MTA3: variants seen among roughly 807,000 people sequenced by gnomAD.
MTA3 encodes metastasis associated 1 family member 3.
A neutral mutation model predicts 83.5 loss-of-function variants in MTA3; 34 were observed. The observed-to-expected ratio is 0.41, with a 90% confidence interval of 0.31 to 0.54. The LOEUF is 0.54. Among genes scored for constraint, MTA3 ranks in the 20% least tolerant of loss-of-function variants. MTA3 has a pLI of 0.33. For missense variants in MTA3, 761 were observed against 726.4 expected (o/e 1.05, Z -0.55); for synonymous variants, 303 against 252.7 (o/e 1.20, Z -1.89).
intron 6 of MTA3, among the ~76,000 whole-genome samples, chr2:42,646,786 A>C (rs1422908175): frequency 1.3e-5 from 2 of 152,156 alleles, no homozygotes; most frequent in African/African-American, 4.8e-5. Flanking sequence ...TGAAATGGCA[A>C]CGAAGGATTT....
intron 3 of MTA3, among the ~76,000 whole-genome samples, chr2:42,590,274 C>T (rs1239994044): frequency 6.6e-6 from 1 of 152,012 alleles, no homozygotes; most frequent in African/African-American, 2.4e-5. Context: ...GAGTAGATTC[C>T]TCTTGAATGG....
chr2:42,636,700 C>G (rs1435081408), intron 4 of MTA3, among the ~76,000 whole-genome samples: 1 of 146,938 alleles, frequency 6.8e-6, no homozygotes, highest in Non-Finnish European at 1.5e-5. Context: ...GATCTCGGCT[C>G]ACTGCAACCT....
intron 2 of MTA3, among the ~76,000 whole-genome samples, chr2:42,543,772 C>T (rs944772531): frequency 2.6e-5 from 4 of 151,742 alleles, no homozygotes; most frequent in South Asian, 2.1e-4. Flanking sequence ...AGGCATGAGC[C>T]GCTATGCCTG....
chr2:42,643,046 C>CT (rs796628589), intron 5 of MTA3, among the ~76,000 whole-genome samples: 235 of 65,156 alleles, frequency 3.6e-3, no homozygotes, highest in Middle Eastern at 0.01. Flanking sequence ...CCCCCCCCCC[C>CT]TTTTTTTTTT....
intron 2 of MTA3, among the ~76,000 whole-genome samples, chr2:42,562,068 T>G (rs1677698782): frequency 6.6e-6 from 1 of 152,160 alleles, no homozygotes; most frequent in African/African-American, 2.4e-5. Context: ...TGGCACTCCT[T>G]GGTTTGTAGC....
At chr2:42,659,596 A>T in intron 7 of MTA3, 167 bp from the exon 8 acceptor site, 1 of 381,702 alleles carries the variant, frequency 2.6e-6, no homozygotes, top group Non-Finnish European at 4.6e-6. Flanking sequence ...TATATCTTAT[A>T]GAGTGAAAAT....
intron 2 of MTA3, among the ~76,000 whole-genome samples, chr2:42,522,219 C>G (rs1675462038): frequency 6.6e-6 from 1 of 152,160 alleles, no homozygotes; most frequent in African/African-American, 2.4e-5. Flanking sequence ...TACAACCACC[C>G]TCCGTCCCTG....
chr2:42,540,944 T>C (rs1228839118), intron 2 of MTA3, among the ~76,000 whole-genome samples: 1 of 152,206 alleles, frequency 6.6e-6, no homozygotes, highest in East Asian at 1.9e-4. Flanking sequence ...CTACACATGG[T>C]CCCTGACTTA....
intron 16 of MTA3, among the ~76,000 whole-genome samples, chr2:42,742,479 T>C (rs1407120115): frequency 6.6e-6 from 1 of 152,134 alleles, no homozygotes; most frequent in Non-Finnish European, 1.5e-5. Context: ...TTTGCCTGTG[T>C]AAAGCTCATC....
chr2:42,619,476 A>G (rs1685288103), intron 4 of MTA3, among the ~76,000 whole-genome samples: 1 of 152,232 alleles, frequency 6.6e-6, no homozygotes, highest in Non-Finnish European at 1.5e-5. Context: ...CATCAAATGA[A>G]TCTAAAGAAA....
intron 2 of MTA3, among the ~76,000 whole-genome samples, chr2:42,553,147 C>T (rs533725283): frequency 1.3e-5 from 2 of 151,080 alleles, no homozygotes; most frequent in South Asian, 2.1e-4. Context: ...CTGGGTGGGC[C>T]GGGCGCAGTG....
intron 3 of MTA3, among the ~76,000 whole-genome samples, chr2:42,597,744 C>A (rs1392916419): frequency 2.7e-5 from 4 of 147,886 alleles, no homozygotes; most frequent in Admixed American, 2.0e-4. Context: ...GCAGTGGCAC[C>A]ATCTCAGCTT....
intron 4 of MTA3, among the ~76,000 whole-genome samples, chr2:42,618,284 G>T (rs1159093830): frequency 6.6e-6 from 1 of 151,924 alleles, no homozygotes; most frequent in African/African-American, 2.4e-5. Context: ...ACGTAGTCAC[G>T]TTAAGTGTCA....
chr2:42,567,174 A>G (rs527446826), upstream of MTA3, among the ~76,000 whole-genome samples: 4 of 152,304 alleles, frequency 2.6e-5, no homozygotes, highest in South Asian at 8.3e-4. Context: ...TGTTATTTGC[A>G]TGGTGCTCTG....
intron 8 of MTA3, among the ~76,000 whole-genome samples, chr2:42,676,002 C>T (rs1241278173): frequency 1.3e-5 from 2 of 152,190 alleles, no homozygotes; most frequent in Non-Finnish European, 2.9e-5. Flanking sequence ...GTGTACACAC[C>T]TGATGAGTGT....
intron 2 of MTA3, among the ~76,000 whole-genome samples, chr2:42,553,265 A>T (rs1269569683): frequency 6.6e-6 from 1 of 151,944 alleles, no homozygotes; most frequent in Non-Finnish European, 1.5e-5. Context: ...TCCACTAAAA[A>T]TACAAAAAAT....
intron 8 of MTA3, among the ~76,000 whole-genome samples, chr2:42,667,758 C>A (rs377497114): frequency 6.6e-6 from 1 of 152,016 alleles, no homozygotes; most frequent in Non-Finnish European, 1.5e-5. Context: ...CTTGAGCCTA[C>A]CAAGTATTAA....
At chr2:42,544,436 A>AG (rs2103755019) in intron 2 of MTA3, among the ~76,000 whole-genome samples, 1 of 151,606 alleles carries the variant, frequency 6.6e-6, no homozygotes, top group African/African-American at 2.4e-5. Flanking sequence ...TGGGCAACAG[A>AG]GCAAGACTCC....
intron 6 of MTA3, among the ~76,000 whole-genome samples, chr2:42,653,793 TC>T (rs1688924484): frequency 6.6e-6 from 1 of 152,234 alleles, no homozygotes; most frequent in Non-Finnish European, 1.5e-5. Flanking sequence ...AAAATAAACA[TC>T]AATTGTAGTC....
Sources: allele counts gnomAD v4.1 joint callset (sites outside exome capture counted in the v4.1 genomes callset), GRCh38; gene constraint gnomAD v4.1.1; transcripts MANE v1.5; gene names NCBI Gene and HGNC (gene_info 2026-07-23, HGNC 2026-07-21).